KIF13A: variants seen among roughly 807,000 people sequenced by gnomAD.
KIF13A encodes the protein kinesin-like protein KIF13A.
Under a neutral mutation model 212.2 loss-of-function variants are expected in KIF13A, and 79 were observed. That is an observed-to-expected ratio of 0.37 (90% CI 0.31 to 0.45). KIF13A has a LOEUF of 0.45. KIF13A is among the 20% of genes least tolerant of loss of function. The pLI, the probability that KIF13A is intolerant of heterozygous loss-of-function variation, is 1.00. For missense variants in KIF13A, 1,901 were observed against 2,209.0 expected, an observed-to-expected ratio of 0.86 and a Z score of 2.79; for synonymous variants, 789 against 808.6, an observed-to-expected ratio of 0.98 and a Z score of 0.41.
At chr6:17,925,084 A>G (rs1044734980) in intron 2 of KIF13A, among the ~76,000 whole-genome samples, 1 of 152,226 alleles carries the variant, frequency 6.6e-6, no homozygotes, top group African/African-American at 2.4e-5. Flanking sequence ...AAAAAAATAT[A>G]TCAACAAATG....
At chr6:17,790,191 T>C (rs939172266) in intron 25 of KIF13A, among the ~76,000 whole-genome samples, 5 of 152,176 alleles carry the variant, frequency 3.3e-5, no homozygotes, top group Admixed American at 6.5e-5. Context: ...CTCTTGAAGC[T>C]AGAAGTTTGA....
intron 2 of KIF13A, among the ~76,000 whole-genome samples, chr6:17,946,541 C>T (rs893860001): frequency 4.6e-5 from 7 of 152,006 alleles, no homozygotes; most frequent in Non-Finnish European, 8.8e-5. Context: ...AAAGATGTTC[C>T]GTTGCACTTT....
rs964201809 is a variant in KIF13A, at chr6:17,772,815, C to G, written c.4324+663G>C. Among the ~76,000 whole-genome samples the G allele has an allele frequency of 6.6e-6, 1 of 152,076 alleles. No homozygotes were observed. Among genetic ancestry groups the G allele is most frequent in the African/African-American group, 2.4e-5 (1 of 41,390 alleles). On this transcript the variant is annotated intron_variant, in intron 36 of 38. Transcript: ENST00000259711. The surrounding 1 kb of genome is among the most constrained non-coding windows in gnomAD (Gnocchi z 4.8). The stretch of plus-strand genomic sequence containing the variant: ...TTTTCTTGCGAGCCTCTTTTTTTCC[C>G]CCTCAGGCCACCCTGCTATATATGA...
At chr6:17,908,528 C>A (rs903712765) in intron 2 of KIF13A, among the ~76,000 whole-genome samples, 1 of 152,040 alleles carries the variant, frequency 6.6e-6, no homozygotes. Context: ...CGCTTGAGCC[C>A]GGGAGATTGA....
intron 13 of KIF13A, among the ~76,000 whole-genome samples, chr6:17,830,294 T>C (rs56116758): frequency 0.43 from 65,453 of 152,020 alleles, 15,055 homozygotes; most frequent in South Asian, 0.54. Context: ...GTGTGTGTAT[T>C]GGTGGAATTT....
chr6:17,896,299 C>T (rs894360469), intron 3 of KIF13A, among the ~76,000 whole-genome samples: 5 of 141,222 alleles, frequency 3.5e-5, no homozygotes, highest in Non-Finnish European at 4.6e-5. Context: ...AGCACCTGTC[C>T]CCTGCCCAGA....
In KIF13A at chr6:17,777,863, A is replaced by G. The variant is rs1397506263; in HGVS notation, c.4093-509T>C. On this transcript the variant is annotated intron_variant, in intron 33 of 38. Coordinates refer to ENST00000259711, the MANE Select transcript of KIF13A (RefSeq NM_022113.6). This position sits in a 1 kb window ranked among gnomAD's most constrained non-coding sequence, Gnocchi z 4.4. ...TTTTTTTTAAGATAAATAAAACTGCAGGGTGTGGTGGTTCATGTCTATAAT... is the reference window on the plus strand; with the variant it reads ...TTTTTTTTAAGATAAATAAAACTGCGGGGTGTGGTGGTTCATGTCTATAAT... Among the ~76,000 whole-genome samples the G allele has an allele frequency of 2.0e-5, 3 of 152,086 alleles. No individual in the cohort carries two copies. Among genetic ancestry groups the G allele is most frequent in the Admixed American group, 2.0e-4 (3 of 15,254 alleles).
Position 17,828,335 on chromosome 6 carries a change from A to C in KIF13A, c.1437T>G (p.Asp479Glu). The change falls in exon 14 of 39, where the codon GAT becomes GAG. Residue 479 changes from aspartate to glutamate, a missense_variant. Transcript: ENST00000259711. The surrounding 1 kb of genome is among the most constrained non-coding windows in gnomAD (Gnocchi z 4.3). Reference sequence around the variant, plus strand: ...GAATTCCTATGCCAAAAAGCTGGATATCTTGAGAGGTATCTGCACCCACCC... The same window carrying C: ...GAATTCCTATGCCAAAAAGCTGGATCTCTTGAGAGGTATCTGCACCCACCC... ...HTRVGADTSQ[D>E]IQLFGIGIQP... 1 of 1,611,850 alleles carries C rather than the reference A, an allele frequency of 6.2e-7. No individual in the cohort carries two copies.
In KIF13A at chr6:17,785,732, G is replaced by A; in HGVS notation, c.3362-91C>T. ...AATAGATTTCAGCCTGGGCAACATA[G>A]TGAGACCCCATCTCTACCAAAAAAA... is the stretch of plus-strand genomic sequence containing the variant. On this transcript the variant is annotated intron_variant, in intron 27 of 38. Transcript: ENST00000259711. This position sits in a 1 kb window ranked among gnomAD's most constrained non-coding sequence, Gnocchi z 5.8. 7.3e-7 allele frequency: 1 copy of A among 1,363,592 alleles called. No individual in the cohort carries two copies. Among genetic ancestry groups the A allele is most frequent in the East Asian group, 2.5e-5 (1 of 39,850 alleles). The allele number at this position is 1,363,592 out of a possible 1,614,324, so 84.5% of individuals were successfully genotyped here.
chr6:17,911,119 A>G (rs960009848), intron 2 of KIF13A, among the ~76,000 whole-genome samples: 1 of 152,050 alleles, frequency 6.6e-6, no homozygotes, highest in African/African-American at 2.4e-5. Context: ...GATCCCAAAA[A>G]CTCTTTTAGA....
chr6:17,805,581 A>G lies in KIF13A; in HGVS notation c.2198T>C (p.Val733Ala). The change falls in exon 19 of 39, where the codon GTG becomes GCG. Residue 733 changes from valine (V) to alanine (A), a missense_variant. Physicochemically the swap from Val to Ala is moderately conservative, Grantham distance 64. Around this residue, in one of 5 missense-constraint regions of KIF13A, gnomAD observed 534 missense variants for 536.9 expected, o/e 0.99. Transcript: ENST00000259711. ...GAIVSEPAIQ[V>A]RRKGKSTQVW... ...TTGGGTGCTCTTTCCTTTCCTCCTC[A>G]CTTGGATAGCTGGTTCACTCACTAT... 6.2e-7 allele frequency: 1 copy of G among 1,611,660 alleles called. No individual in the cohort carries two copies. The highest frequency in any genetic ancestry group is 8.5e-7 in the Non-Finnish European group (1 of 1,178,610).
Position 17,912,598 on chromosome 6 carries a change from T to C in KIF13A, c.147-14418A>G. Among the ~76,000 whole-genome samples, 1 of 152,266 alleles carries C rather than the reference T, an allele frequency of 6.6e-6. No individual in the cohort carries two copies. The highest frequency in any genetic ancestry group is 1.5e-5 in the Non-Finnish European group (1 of 68,042). The stretch of plus-strand genomic sequence containing the variant: ...AACCCCCATTTCCCATTTCTTTATT[T>C]GGGACATGCCACCCTTGTTGAGTTT... On this transcript the variant is annotated intron_variant, in intron 2 of 38. Transcript: ENST00000259711. This position sits in a 1 kb window ranked among gnomAD's most constrained non-coding sequence, Gnocchi z 4.2.
intron 3 of KIF13A, among the ~76,000 whole-genome samples, chr6:17,893,070 C>T (rs1034848026): frequency 1.3e-5 from 2 of 152,170 alleles, no homozygotes; most frequent in African/African-American, 2.4e-5. Context: ...GTGCTAACTC[C>T]AGGTAACATG....
rs759983587 is a variant in KIF13A at position 17,775,018 on chromosome 6, G to A, written c.4215C>T (p.Asp1405=). The A allele has an allele frequency of 1.2e-6, 2 of 1,610,748 alleles. No homozygotes were observed. The highest frequency in any genetic ancestry group is 2.2e-5 in the East Asian group (1 of 44,810). The change falls in exon 35 of 39, where the codon GAC becomes GAT. Residue 1405 remains aspartate, a synonymous_variant. Transcript: ENST00000259711. ...RPDLSGFDED[D]KGWPENQLDM... Reference sequence around the variant, plus strand: ...AGCCATGCCCATAGGTGCATACCTTGTCATCTTCATCAAAGCCAGAAAGGT... The same window carrying A: ...AGCCATGCCCATAGGTGCATACCTTATCATCTTCATCAAAGCCAGAAAGGT...
chr6:17,947,698 A>G lies in KIF13A; in HGVS notation c.146+39356T>C, dbSNP rs1214960974. Among the ~76,000 whole-genome samples, 2 of 152,056 alleles carry G rather than the reference A, an allele frequency of 1.3e-5. No individual in the cohort carries two copies. The highest frequency in any genetic ancestry group is 4.8e-5 in the African/African-American group (2 of 41,406). ...CTAAAAATACAAAAAAAAATTAGCCAGGCATGGTGGCGGGTGCCTGTAATC... is the reference window on the plus strand; with the variant it reads ...CTAAAAATACAAAAAAAAATTAGCCGGGCATGGTGGCGGGTGCCTGTAATC... On this transcript the variant is annotated intron_variant, in intron 2 of 38. Transcript: ENST00000259711. This position sits in a 1 kb window ranked among gnomAD's most constrained non-coding sequence, Gnocchi z 4.6.
chr6:17,983,519 G>A (rs1781286355), intron 2 of KIF13A, among the ~76,000 whole-genome samples: 1 of 135,704 alleles, frequency 7.4e-6, no homozygotes, highest in Admixed American at 7.9e-5. Context: ...TTGAGATGCA[G>A]TCTCACTCCG....
At chr6:17,911,433 G>T (rs1774052433) in intron 2 of KIF13A, among the ~76,000 whole-genome samples, 1 of 152,182 alleles carries the variant, frequency 6.6e-6, no homozygotes. Flanking sequence ...TCTCCACTAT[G>T]ACAAGAGTAA....
At position 17,893,000 on chromosome 6, in the gene KIF13A, T is replaced by C. The variant is rs1052906582; in HGVS notation, c.159+5168A>G. 6.6e-6 allele frequency among the ~76,000 whole-genome samples: 1 copy of C among 152,192 alleles called. No individual in the cohort carries two copies. Among genetic ancestry groups the C allele is most frequent in the Non-Finnish European group, 1.5e-5 (1 of 68,032 alleles). ...GAAGTATAGGTGGCAACCTGGGACT[T>C]GCGAATGGCATCTAAAGTGGAGGCA... On this transcript the variant is annotated intron_variant, in intron 3 of 38. Transcript: ENST00000259711. This position sits in a 1 kb window ranked among gnomAD's most constrained non-coding sequence, Gnocchi z 4.7.
At chr6:17,966,559 A>T (rs1252475822) in intron 2 of KIF13A, among the ~76,000 whole-genome samples, 2 of 151,602 alleles carry the variant, frequency 1.3e-5, no homozygotes, top group African/African-American at 2.4e-5. Flanking sequence ...CTGAGCACTA[A>T]CAAGAAAGGA....
Sources: gnomAD v4.1 joint callset for allele counts (sites outside exome capture counted in the v4.1 genomes callset) on GRCh38, gnomAD v4.1.1 for gene constraint, gnomAD v4.1.1 regional missense constraint, Gnocchi (gnomAD v3.1) non-coding constraint, MANE v1.5 for transcripts, NCBI Gene and HGNC (gene_info 2026-07-23, HGNC 2026-07-21) for gene names.